Variants in USP43 observed in about 807,000 individuals in gnomAD.
The protein encoded by USP43 is ubiquitin carboxyl-terminal hydrolase 43.
In USP43, 33 loss-of-function variants were observed where a neutral mutation model predicts 90.7. That is an observed-to-expected ratio of 0.36 (90% CI 0.28 to 0.49). The LOEUF (loss-of-function observed/expected upper bound fraction) is 0.49. Among genes scored for constraint, USP43 ranks in the 20% least tolerant of loss-of-function variants. The probability of loss-of-function intolerance (pLI) is 0.98; values close to 1 mark genes in which losing one functional copy is unlikely to be tolerated. For synonymous variants in USP43, 598 were observed against 615.8 expected (o/e 0.97, Z 0.43); for missense variants, 1,274 against 1,476.4 (o/e 0.86, Z 2.25).
chr17:9,693,044 T>C, intron 8 of USP43, 83 bp from the exon 9 acceptor site: 1 of 927,010 alleles, frequency 1.1e-6, no homozygotes. Flanking sequence ...GATTATATTT[T>C]TTAATGTATG....
intron 1 of USP43, among the ~76,000 whole-genome samples, chr17:9,656,149 A>G (rs1912227055): frequency 6.6e-6 from 1 of 152,104 alleles, no homozygotes; most frequent in African/African-American, 2.4e-5. Context: ...TTTTCAAATG[A>G]TAGGATACAC....
Position 9,686,855 on chromosome 17 carries a change from G to T in USP43, c.1299G>T (p.Gln433His). 6.2e-7 allele frequency: 1 copy of T among 1,613,876 alleles called. No homozygotes were observed. Reference sequence around the variant, plus strand: ...GAGCTGTTTCCTGGGCCCAGCTCCAGCAGTCTATCCTCAGCAAGGTCCGCC... The same window carrying T: ...GAGCTGTTTCCTGGGCCCAGCTCCATCAGTCTATCCTCAGCAAGGTCCGCC... ...EDRAVSWAQLQQSILSKVRHL... is the reference protein window; with the variant it reads ...EDRAVSWAQLHQSILSKVRHL... Residue 433 changes from glutamine (Q) to histidine (H), a missense_variant, in exon 8 of 15, where the codon CAG becomes CAT. Transcript: ENST00000285199. The surrounding 1 kb of genome is among the most constrained non-coding windows in gnomAD (Gnocchi z 5.5).
At chr17:9,707,906 G>A (rs1350127236) in intron 12 of USP43, among the ~76,000 whole-genome samples, 1 of 152,128 alleles carries the variant, frequency 6.6e-6, no homozygotes, top group Non-Finnish European at 1.5e-5. Flanking sequence ...GTCTCACTTT[G>A]GAGACAGACA....
At position 9,711,820 on chromosome 17, in the gene USP43, G is replaced by A. The variant is rs1916211561; in HGVS notation, c.2171-148G>A. 4.6e-6 allele frequency: 4 copies of A among 876,808 alleles called. No homozygotes were observed. The Admixed American group carries it at 1.6e-4, about 35-fold the overall frequency. 54.3% of individuals were successfully genotyped at this position (876,808 alleles called of 1,614,324 possible). On this transcript the variant is annotated intron_variant, in intron 13 of 14. Coordinates refer to ENST00000285199, the MANE Select transcript of USP43 (RefSeq NM_153210.5). ...CCGATCACAGGTTTCCCCTCTCCTT[G>A]TTGACAGGTTTCTGCAGTTCTGTTC...
intron 5 of USP43, among the ~76,000 whole-genome samples, chr17:9,678,127 A>G (rs1913909889): frequency 6.6e-6 from 1 of 152,200 alleles, no homozygotes; most frequent in South Asian, 2.1e-4. Flanking sequence ...GGAGAAGTCT[A>G]TGAGAGGGAG....
chr17:9,728,551 G>A lies in USP43; in HGVS notation c.2933G>A (p.Ser978Asn). The A allele has an allele frequency of 6.2e-7, 1 of 1,614,002 alleles. No homozygotes were observed. Among genetic ancestry groups the A allele is most frequent in the Non-Finnish European group, 8.5e-7 (1 of 1,179,896 alleles). ...CCCTATATGGGATTCTCTGGAAACA[G>A]CAAAGACAGTCGCCGAGGCACCTCT... The part of the protein sequence containing the change: ...PSPYMGFSGN[S>N]KDSRRGTSEL... The change falls in exon 15 of 15, where the codon AGC becomes AAC. Residue 978 changes from serine to asparagine, a missense_variant. By Grantham distance (46) the Ser-to-Asn change is conservative (BLOSUM62 1). Coordinates refer to ENST00000285199, the MANE Select transcript of USP43 (RefSeq NM_153210.5). The surrounding 1 kb of genome is among the most constrained non-coding windows in gnomAD (Gnocchi z 6.2).
chr17:9,655,971 G>A (rs1293166580), intron 1 of USP43, among the ~76,000 whole-genome samples: 1 of 152,176 alleles, frequency 6.6e-6, no homozygotes, highest in Non-Finnish European at 1.5e-5. Flanking sequence ...AGAGCAAGTA[G>A]GGCTAGAAGG....
At chr17:9,681,462 TTATATATATATATATA>T (rs1184883523) in intron 6 of USP43, among the ~76,000 whole-genome samples, 65 of 18,576 alleles carry the variant, frequency 3.5e-3, no homozygotes, top group Admixed American at 4.6e-3. Flanking sequence ...ATAAAATATA[TTATATATATATATATA>T]TATATATATA....
rs976087810 is a variant in USP43, at chr17:9,709,334, C to T, written c.2012-622C>T. ...CTTCTCAGAAGAAATGGGGTGAACG[C>T]TGACATTATTGTTTGGCTACCTAAC... On this transcript the variant is annotated intron_variant, in intron 12 of 14. Transcript: ENST00000285199. This position sits in a 1 kb window ranked among gnomAD's most constrained non-coding sequence, Gnocchi z 5.0. 3.3e-5 allele frequency among the ~76,000 whole-genome samples: 5 copies of T among 152,132 alleles called. No individual in the cohort carries two copies. Among genetic ancestry groups the T allele is most frequent in the African/African-American group, 4.8e-5 (2 of 41,422 alleles).
At position 9,728,457 on chromosome 17, in the gene USP43, C is replaced by T. The variant is rs1917397626; in HGVS notation, c.2839C>T (p.Pro947Ser). Residue 947 changes from proline (P) to serine (S), a missense_variant, in exon 15 of 15, where the codon CCG becomes TCG. Around this residue, in one of 6 missense-constraint regions of USP43, gnomAD observed 353 missense variants for 329.7 expected, o/e 1.07. Coordinates refer to ENST00000285199, the MANE Select transcript of USP43 (RefSeq NM_153210.5). This position sits in a 1 kb window ranked among gnomAD's most constrained non-coding sequence, Gnocchi z 6.2. ...PSVEHEKPAR[P>S]EGQKAMNWKE... ...AGTGGAGCATGAGAAACCAGCTCGA[C>T]CGGAGGGCCAGAAGGCCATGAACTG... 3 of 1,613,080 alleles carry T rather than the reference C, an allele frequency of 1.9e-6. No individual in the cohort carries two copies. Among genetic ancestry groups the T allele is most frequent in the East Asian group, 2.2e-5 (1 of 44,832 alleles).
At chr17:9,662,574 A>G (rs902465879) in intron 2 of USP43, among the ~76,000 whole-genome samples, 1 of 151,902 alleles carries the variant, frequency 6.6e-6, no homozygotes, top group Admixed American at 6.6e-5. Flanking sequence ...TTTCATCTTC[A>G]TGTCTCCTGT....
rs543827267 is a variant in USP43 at position 9,674,680 on chromosome 17, C to T, written c.741-211C>T. On this transcript the variant is annotated intron_variant, in intron 3 of 14. Transcript: ENST00000285199. The surrounding 1 kb of genome is among the most constrained non-coding windows in gnomAD (Gnocchi z 4.4). The stretch of plus-strand genomic sequence containing the variant: ...GTTTACCCATTTGTCTGTTGATGGA[C>T]GGTTGGGTTGTTCCCACCTTAACTA... Among the ~76,000 whole-genome samples, 45 of 152,270 alleles carry T rather than the reference C, an allele frequency of 3.0e-4. 1 individual carries two copies. The highest frequency in any genetic ancestry group is 1.5e-3 in the South Asian group (7 of 4,824).
intron 14 of USP43, among the ~76,000 whole-genome samples, chr17:9,717,177 A>G (rs924522178): frequency 9.9e-4 from 148 of 149,686 alleles, no homozygotes; most frequent in Non-Finnish European, 1.8e-3. Context: ...AAAAAAAAAA[A>G]GTCCTTACAT....
At chr17:9,725,193 G>A (rs1597901715) in intron 14 of USP43, among the ~76,000 whole-genome samples, 1 of 151,958 alleles carries the variant, frequency 6.6e-6, no homozygotes, top group Non-Finnish European at 1.5e-5. Flanking sequence ...CTCTTGTGGG[G>A]TCCAAAAAGC....
chr17:9,664,852 T>C (rs1912913856), intron 2 of USP43, among the ~76,000 whole-genome samples: 1 of 152,186 alleles, frequency 6.6e-6, no homozygotes, highest in Non-Finnish European at 1.5e-5. Flanking sequence ...TTAGCCAGGA[T>C]GGTCTTGATC....
intron 12 of USP43, among the ~76,000 whole-genome samples, chr17:9,703,341 C>T (rs1915684637): frequency 6.6e-6 from 1 of 152,150 alleles, no homozygotes; most frequent in African/African-American, 2.4e-5. Flanking sequence ...AAATTAAGGG[C>T]AGTGATGTAA....
chr17:9,725,952 C>A (rs142783215), intron 14 of USP43, among the ~76,000 whole-genome samples: 1 of 152,132 alleles, frequency 6.6e-6, no homozygotes, highest in African/African-American at 2.4e-5. Flanking sequence ...TTCCCCACCC[C>A]CCGAGGGCTG....
At chr17:9,701,000 GGGCAC>G (rs1478213266) in intron 10 of USP43, 114 bp from the exon 11 acceptor site, 1 of 1,292,820 alleles carries the variant, frequency 7.7e-7, no homozygotes, top group Non-Finnish European at 1.0e-6. Flanking sequence ...CCCATAGGCA[GGGCAC>G]GGTAGTGTGG....
intron 3 of USP43, among the ~76,000 whole-genome samples, chr17:9,672,004 T>G (rs994203492): frequency 2.6e-5 from 4 of 152,188 alleles, no homozygotes; most frequent in Admixed American, 1.3e-4. Flanking sequence ...TATTTTATTT[T>G]TATTTTTTTG....
Sources: allele counts gnomAD v4.1 joint callset (sites outside exome capture counted in the v4.1 genomes callset), GRCh38; gene constraint gnomAD v4.1.1; regional missense constraint gnomAD v4.1.1; non-coding constraint Gnocchi (gnomAD v3.1); transcripts MANE v1.5; gene names NCBI Gene and HGNC (gene_info 2026-07-23, HGNC 2026-07-21).